The following HS6ST3 variants were observed in gnomAD, a reference collection of about 807,000 sequenced individuals.
The protein encoded by HS6ST3 is heparan-sulfate 6-O-sulfotransferase 3.
HS6ST3 carries 12 observed loss-of-function variants against 36.7 expected under a neutral mutation model. That is an observed-to-expected ratio of 0.33 (90% CI 0.21 to 0.53). The LOEUF (loss-of-function observed/expected upper bound fraction) is 0.53, where lower values mean the gene tolerates loss of function less well. Among genes scored for constraint, HS6ST3 ranks in the 20% least tolerant of loss-of-function variants. The pLI is 0.95. For missense variants in HS6ST3, 584 were observed against 640.9 expected, an observed-to-expected ratio of 0.91 and a Z score of 0.96; for synonymous variants, 240 against 257.5, an observed-to-expected ratio of 0.93 and a Z score of 0.65.
intron 1 of HS6ST3, among the ~76,000 whole-genome samples, chr13:96,094,293 A>G (rs987520432): frequency 6.6e-6 from 1 of 152,210 alleles, no homozygotes; most frequent in Non-Finnish European, 1.5e-5. Flanking sequence ...ATACTGGCAT[A>G]TCGTGCTTAC....
chr13:96,830,078 T>C (rs546292093), intron 1 of HS6ST3, among the ~76,000 whole-genome samples: 2 of 152,078 alleles, frequency 1.3e-5, no homozygotes, highest in Non-Finnish European at 2.9e-5. Context: ...TTCATTAAGA[T>C]ATTTAATAAA....
intron 1 of HS6ST3, among the ~76,000 whole-genome samples, chr13:96,316,512 A>G (rs948481913): frequency 1.3e-5 from 2 of 152,152 alleles, no homozygotes; most frequent in Non-Finnish European, 2.9e-5. Context: ...AGCTCTAGCA[A>G]TGGAGAGGGG....
At chr13:96,550,717 A>G (rs2056216609) in intron 1 of HS6ST3, among the ~76,000 whole-genome samples, 1 of 152,142 alleles carries the variant, frequency 6.6e-6, no homozygotes. Context: ...GAAGGGAGGA[A>G]TGATTAATTT....
chr13:96,181,669 G>T (rs1230691342), intron 1 of HS6ST3, among the ~76,000 whole-genome samples: 1 of 152,162 alleles, frequency 6.6e-6, no homozygotes, highest in Non-Finnish European at 1.5e-5. Context: ...GAGGATGCTT[G>T]CTGCCATTTC....
At chr13:96,223,339 C>T (rs915004371) in intron 1 of HS6ST3, among the ~76,000 whole-genome samples, 5 of 152,170 alleles carry the variant, frequency 3.3e-5, no homozygotes, top group South Asian at 2.1e-4. Flanking sequence ...TATGTAGAGG[C>T]GTGCTTGTTG....
intron 1 of HS6ST3, among the ~76,000 whole-genome samples, chr13:96,464,447 A>G (rs141056161): frequency 5.8e-4 from 89 of 152,226 alleles, no homozygotes; most frequent in African/African-American, 2.0e-3. Context: ...CCTAGACTGA[A>G]ACCCTGGTGT....
intron 1 of HS6ST3, among the ~76,000 whole-genome samples, chr13:96,460,124 C>A (rs116869115): frequency 6.6e-6 from 1 of 152,140 alleles, no homozygotes. Flanking sequence ...ACACAATAGG[C>A]AAAACCAACT....
At chr13:96,419,749 C>T (rs548827082) in intron 1 of HS6ST3, among the ~76,000 whole-genome samples, 1 of 152,234 alleles carries the variant, frequency 6.6e-6, no homozygotes, top group Admixed American at 6.5e-5. Flanking sequence ...CTTTGGCCTT[C>T]TTTGGCTGTG....
chr13:96,221,927 A>T (rs781687231), intron 1 of HS6ST3, among the ~76,000 whole-genome samples: 21 of 152,204 alleles, frequency 1.4e-4, no homozygotes, highest in Admixed American at 3.3e-4. Flanking sequence ...AAAATCAATC[A>T]ACCTTAGTTG....
intron 1 of HS6ST3, among the ~76,000 whole-genome samples, chr13:96,337,224 GC>G (rs1343799387): frequency 6.6e-6 from 1 of 151,990 alleles, no homozygotes; most frequent in Non-Finnish European, 1.5e-5. Flanking sequence ...CTGCCACCAT[GC>G]CCGGCTAATT....
intron 1 of HS6ST3, among the ~76,000 whole-genome samples, chr13:96,105,737 T>C (rs888729923): frequency 1.3e-5 from 2 of 152,224 alleles, no homozygotes; most frequent in African/African-American, 4.8e-5. Flanking sequence ...TTTGAAATTA[T>C]TTTCTTTCTA....
At chr13:96,433,935 GAAACAA>G (rs139752244) in intron 1 of HS6ST3, among the ~76,000 whole-genome samples, 24 of 151,926 alleles carry the variant, frequency 1.6e-4, no homozygotes, top group East Asian at 1.6e-3. Flanking sequence ...AACTCTGTCA[GAAACAA>G]AAACAAAAAC....
intron 1 of HS6ST3, among the ~76,000 whole-genome samples, chr13:96,533,628 T>C (rs2056144279): frequency 6.6e-6 from 1 of 152,186 alleles, no homozygotes; most frequent in African/African-American, 2.4e-5. Context: ...ATGGCTGTCC[T>C]CCACTCACAT....
chr13:96,222,374 A>G (rs1192383572), intron 1 of HS6ST3, among the ~76,000 whole-genome samples: 3 of 152,232 alleles, frequency 2.0e-5, no homozygotes, highest in African/African-American at 7.2e-5. Context: ...GTACAGCATC[A>G]ACTTCATTTT....
At chr13:96,135,178 C>A (rs1302749576) in intron 1 of HS6ST3, among the ~76,000 whole-genome samples, 1 of 151,938 alleles carries the variant, frequency 6.6e-6, no homozygotes, top group Non-Finnish European at 1.5e-5. Context: ...TTGAGTTGGA[C>A]CTGCCACCCT....
At chr13:96,132,970 G>A (rs574378738) in intron 1 of HS6ST3, among the ~76,000 whole-genome samples, 16 of 151,250 alleles carry the variant, frequency 1.1e-4, no homozygotes, top group Admixed American at 2.0e-4. Context: ...TTTTTTAATC[G>A]GGTTATTTGT....
At chr13:96,730,896 G>T (rs976189396) in intron 1 of HS6ST3, among the ~76,000 whole-genome samples, 1 of 152,154 alleles carries the variant, frequency 6.6e-6, no homozygotes, top group East Asian at 1.9e-4. Flanking sequence ...CAGACTCAGA[G>T]AATTTTTTAA....
intron 1 of HS6ST3, among the ~76,000 whole-genome samples, chr13:96,797,034 C>T (rs370905929): frequency 1.2e-4 from 18 of 152,012 alleles, no homozygotes; most frequent in South Asian, 2.1e-4. Flanking sequence ...TCCTCATGTT[C>T]GAAAAAATCC....
At chr13:96,491,376 G>A (rs2055944536) in intron 1 of HS6ST3, among the ~76,000 whole-genome samples, 1 of 150,906 alleles carries the variant, frequency 6.6e-6, no homozygotes, top group Admixed American at 6.7e-5. Flanking sequence ...GAATAAAAGA[G>A]CAGGGAAAGT....
Sources: allele counts gnomAD v4.1 joint callset (sites outside exome capture counted in the v4.1 genomes callset), GRCh38; gene constraint gnomAD v4.1.1; transcripts MANE v1.5; gene names NCBI Gene and HGNC (gene_info 2026-07-23, HGNC 2026-07-21).